MSRA: variants seen among roughly 807,000 people sequenced by gnomAD.
The protein encoded by MSRA is methionine sulfoxide reductase A, also known as mitochondrial peptide methionine sulfoxide reductase.
MSRA carries 54 observed loss-of-function variants against 31.3 expected under a neutral mutation model. The ratio of observed to expected loss-of-function variants is 1.73; its 90% CI spans 1.39 to 2.17. MSRA has a LOEUF of 2.17. Ranked by LOEUF, MSRA falls within the 30% of genes most tolerant of loss-of-function variation. The probability of loss-of-function intolerance (pLI) is 0.00; values close to 1 mark genes in which losing one functional copy is unlikely to be tolerated. For synonymous variants in MSRA, 169 were observed against 116.5 expected, an observed-to-expected ratio of 1.45 and a Z score of -2.90; for missense variants, 507 against 300.9, an observed-to-expected ratio of 1.69 and a Z score of -5.07.
chr8:10,130,399 GACATGTTAAGCTCTA>G (rs1801812679), intron 1 of MSRA, among the ~76,000 whole-genome samples: 1 of 152,192 alleles, frequency 6.6e-6, no homozygotes, highest in Admixed American at 6.5e-5. Context: ...GGGGATTCTA[GACATGTTAAGCTCTA>G]ACATGTATGT....
intron 1 of MSRA, among the ~76,000 whole-genome samples, chr8:10,070,320 C>T (rs958285063): frequency 6.6e-6 from 1 of 152,184 alleles, no homozygotes; most frequent in Non-Finnish European, 1.5e-5. Flanking sequence ...CACCTAGTCA[C>T]ATTTGATGAA....
intron 3 of MSRA, among the ~76,000 whole-genome samples, chr8:10,297,293 G>A (rs1035229507): frequency 6.6e-6 from 1 of 152,156 alleles, no homozygotes; most frequent in Non-Finnish European, 1.5e-5. Context: ...AGGCAGTGGA[G>A]GGAGATGCTT....
chr8:10,337,794 G>C (rs1431459968), intron 5 of MSRA: 19 of 702,462 alleles, frequency 2.7e-5, no homozygotes, highest in Non-Finnish European at 4.4e-5. Context: ...CCATCTTCAA[G>C]AAAACATTAT....
At chr8:10,342,692 C>T (rs963567556) in intron 5 of MSRA, among the ~76,000 whole-genome samples, 5 of 152,188 alleles carry the variant, frequency 3.3e-5, no homozygotes, top group South Asian at 2.1e-4. Context: ...GCCTTACAGA[C>T]GAGGAACCTG....
intron 5 of MSRA, among the ~76,000 whole-genome samples, chr8:10,331,824 T>G (rs1802719173): frequency 6.6e-6 from 1 of 152,248 alleles, no homozygotes; most frequent in African/African-American, 2.4e-5. Flanking sequence ...ATGCACATAC[T>G]ATTAATATAT....
At chr8:10,129,465 T>A (rs551749409) in intron 1 of MSRA, among the ~76,000 whole-genome samples, 15 of 152,250 alleles carry the variant, frequency 9.9e-5, no homozygotes, top group African/African-American at 3.6e-4. Flanking sequence ...ATAATGAGTT[T>A]CCTTGATTCA....
intron 1 of MSRA, among the ~76,000 whole-genome samples, chr8:10,175,001 T>C (rs1316183875): frequency 6.6e-6 from 1 of 152,206 alleles, no homozygotes; most frequent in Non-Finnish European, 1.5e-5. Flanking sequence ...TTAATTCCTA[T>C]AGCCCCTGAC....
At chr8:10,199,518 C>G (rs966023382) in intron 1 of MSRA, among the ~76,000 whole-genome samples, 1 of 152,020 alleles carries the variant, frequency 6.6e-6, no homozygotes, top group Non-Finnish European at 1.5e-5. Context: ...TGGCGTTTCA[C>G]CATGTTGGCC....
intron 1 of MSRA, among the ~76,000 whole-genome samples, chr8:10,161,971 T>C (rs77942367): frequency 0.054 from 8,162 of 152,290 alleles, 353 homozygotes; most frequent in South Asian, 0.12. Flanking sequence ...GCGCACTGCA[T>C]GGTCCTGTGC....
intron 1 of MSRA, among the ~76,000 whole-genome samples, chr8:10,065,892 T>C (rs1049965504): frequency 5.3e-5 from 8 of 152,108 alleles, no homozygotes; most frequent in Non-Finnish European, 8.8e-5. Context: ...TCAACTCTTC[T>C]GCCTGACAGT....
At chr8:10,106,335 C>T (rs572634749) in intron 1 of MSRA, among the ~76,000 whole-genome samples, 2 of 151,976 alleles carry the variant, frequency 1.3e-5, no homozygotes, top group Non-Finnish European at 2.9e-5. Context: ...AGTGAAATGT[C>T]CTCTCATTGG....
intron 1 of MSRA, among the ~76,000 whole-genome samples, chr8:10,129,524 A>G (rs973006629): frequency 1.3e-5 from 2 of 152,104 alleles, no homozygotes; most frequent in African/African-American, 4.8e-5. Context: ...TGATGCAGGG[A>G]AACTGAGAGC....
intron 3 of MSRA, among the ~76,000 whole-genome samples, chr8:10,266,618 T>TA (rs1798762072): frequency 2.0e-5 from 3 of 152,196 alleles, no homozygotes; most frequent in African/African-American, 7.2e-5. Context: ...TTTTTTTTTT[T>TA]ATGGATGAAA....
intron 5 of MSRA, among the ~76,000 whole-genome samples, chr8:10,426,565 CGT>C (rs1418614818): frequency 1.3e-5 from 2 of 151,684 alleles, no homozygotes; most frequent in African/African-American, 2.4e-5. Context: ...TGCCAAATTT[CGT>C]GTGAGTTTCT....
intron 1 of MSRA, among the ~76,000 whole-genome samples, chr8:10,194,446 A>T (rs934734891): frequency 3.3e-5 from 5 of 152,164 alleles, no homozygotes; most frequent in Non-Finnish European, 7.4e-5. Context: ...GCCACCTGTA[A>T]TCCCAGCTAC....
chr8:10,087,603 C>T (rs963485043), intron 1 of MSRA, among the ~76,000 whole-genome samples: 2 of 152,138 alleles, frequency 1.3e-5, no homozygotes, highest in Admixed American at 6.5e-5. Context: ...ATTTGTCTTC[C>T]ATTTTCTGTC....
intron 1 of MSRA, among the ~76,000 whole-genome samples, chr8:10,123,317 G>T (rs898234349): frequency 1.2e-4 from 19 of 152,210 alleles, no homozygotes; most frequent in Admixed American, 1.0e-3. Flanking sequence ...TTGGCTGCAT[G>T]TATGTTGTCT....
chr8:10,283,375 C>T (rs2129108604), intron 3 of MSRA, among the ~76,000 whole-genome samples: 1 of 152,240 alleles, frequency 6.6e-6, no homozygotes, highest in African/African-American at 2.4e-5. Context: ...GCTAAAGCTG[C>T]TTCGTGTTGT....
chr8:10,349,671 G>A (rs1804003959), intron 5 of MSRA, among the ~76,000 whole-genome samples: 1 of 152,232 alleles, frequency 6.6e-6, no homozygotes, highest in South Asian at 2.1e-4. Context: ...TCTGTGCCTA[G>A]TACGGGGCCT....
Sources: gnomAD v4.1 joint callset for allele counts (sites outside exome capture counted in the v4.1 genomes callset) on GRCh38, gnomAD v4.1.1 for gene constraint, MANE v1.5 for transcripts, NCBI Gene and HGNC (gene_info 2026-07-23, HGNC 2026-07-21) for gene names.